The following SH3KBP1 variants were observed in gnomAD, a reference collection of about 807,000 sequenced individuals.
The protein encoded by SH3KBP1 is SH3 domain-containing kinase-binding protein 1.
A neutral mutation model predicts 50.1 loss-of-function variants in SH3KBP1; 8 were observed. The observed-to-expected ratio is 0.16, with a 90% CI of 0.09 to 0.29. The LOEUF (loss-of-function observed/expected upper bound fraction) is 0.29. Ranked by LOEUF, SH3KBP1 falls within the 10% of genes least tolerant of loss-of-function variation. SH3KBP1 has a pLI of 1.00. For synonymous variants in SH3KBP1, 227 were observed against 218.6 expected (o/e 1.04, Z -0.34); for missense variants, 377 against 535.2 (o/e 0.70, Z 2.92).
chrX:19,602,848 G>A (rs1387517598), intron 9 of SH3KBP1, among the ~76,000 whole-genome samples: 1 of 111,762 alleles, frequency 8.9e-6, no homozygotes, highest in Non-Finnish European at 1.9e-5. Flanking sequence ...GTAAGGTGAG[G>A]GGCCTCCTAC....
intron 1 of SH3KBP1, among the ~76,000 whole-genome samples, chrX:19,866,024 G>A (rs1187125068): frequency 8.9e-6 from 1 of 112,237 alleles, no homozygotes; most frequent in Non-Finnish European, 1.9e-5. Context: ...ACCAGGGACT[G>A]GTTCAAGCTA....
At chrX:19,669,325 A>AATAATAATT (rs780980302) in intron 6 of SH3KBP1, among the ~76,000 whole-genome samples, 25 of 102,546 alleles carry the variant, frequency 2.4e-4, no homozygotes, top group African/African-American at 9.1e-4. Flanking sequence ...TAATAATAAT[A>AATAATAATT]ATTATTATTA....
At chrX:19,789,749 A>T (rs190772896) in intron 2 of SH3KBP1, among the ~76,000 whole-genome samples, 169 of 109,442 alleles carry the variant, frequency 1.5e-3, no homozygotes, top group Admixed American at 2.7e-3. Flanking sequence ...TTTGGCCCAT[A>T]ATAGCCCCTT....
intron 1 of SH3KBP1, among the ~76,000 whole-genome samples, chrX:19,854,800 A>C (rs2068602271): frequency 2.7e-5 from 3 of 110,572 alleles, no homozygotes; most frequent in Non-Finnish European, 1.9e-5. Flanking sequence ...TTTACATCAC[A>C]AAGTGCCCTC....
chrX:19,876,676 T>C (rs930584052), intron 1 of SH3KBP1, among the ~76,000 whole-genome samples: 3 of 111,616 alleles, frequency 2.7e-5, no homozygotes, highest in Admixed American at 9.5e-5. Flanking sequence ...GAAAGCTCCC[T>C]GGAAGAAAAC....
intron 3 of SH3KBP1, among the ~76,000 whole-genome samples, chrX:19,715,047 G>A (rs1445307456): frequency 9.0e-6 from 1 of 111,471 alleles, no homozygotes; most frequent in African/African-American, 3.3e-5. Context: ...GCCAAGGCAG[G>A]AAGATCACTT....
chrX:19,663,182 C>T (rs748526028), intron 6 of SH3KBP1, among the ~76,000 whole-genome samples: 1 of 111,396 alleles, frequency 9.0e-6, no homozygotes, highest in Non-Finnish European at 1.9e-5. Flanking sequence ...CTCTGTAACA[C>T]ACACAAAGGC....
chrX:19,659,483 C>T (rs2062397086), intron 6 of SH3KBP1, among the ~76,000 whole-genome samples: 1 of 110,826 alleles, frequency 9.0e-6, no homozygotes, highest in Non-Finnish European at 1.9e-5. Flanking sequence ...AGGCTGGTCA[C>T]CAACTCCTGG....
intron 2 of SH3KBP1, among the ~76,000 whole-genome samples, chrX:19,825,591 G>T (rs59115090): frequency 0.023 from 2,519 of 111,584 alleles, 69 homozygotes; most frequent in African/African-American, 0.077. Context: ...GCATGGAAAG[G>T]GGCTGGGCAC....
intron 2 of SH3KBP1, among the ~76,000 whole-genome samples, chrX:19,828,354 T>G (rs1444133112): frequency 9.0e-6 from 1 of 111,719 alleles, no homozygotes; most frequent in Non-Finnish European, 1.9e-5. Flanking sequence ...AACGAAACTT[T>G]GACACATGTT....
chrX:19,614,667 T>C (rs1281835819), intron 8 of SH3KBP1, among the ~76,000 whole-genome samples: 1 of 111,798 alleles, frequency 8.9e-6, no homozygotes, highest in Non-Finnish European at 1.9e-5. Flanking sequence ...AGAGGAACGC[T>C]TCTCAAGCTT....
At chrX:19,836,410 G>A in intron 1 of SH3KBP1, 128 bp from the exon 2 acceptor site, 2 of 606,831 alleles carry the variant, frequency 3.3e-6, no homozygotes, top group Non-Finnish European at 5.1e-6. Flanking sequence ...AAAATAACAG[G>A]GCCACACACA....
At chrX:19,808,542 C>T (rs2067119108) in intron 2 of SH3KBP1, among the ~76,000 whole-genome samples, 1 of 111,056 alleles carries the variant, frequency 9.0e-6, no homozygotes, top group Admixed American at 9.6e-5. Context: ...CCTCACCCTC[C>T]CAGTTAGAGC....
rs1170044208 is a variant in SH3KBP1 at position 19,848,116 on chromosome X, G to T, written c.5-11834C>A. On this transcript the variant is annotated intron_variant, in intron 1 of 17. Coordinates refer to ENST00000397821, the MANE Select transcript of SH3KBP1 (RefSeq NM_031892.3). ...ACTCCTAAGAATAATGATCTATGAA[G>T]AGCAATGTATACATTTTTTTCTGAA... is the stretch of plus-strand genomic sequence containing the variant. Among the ~76,000 whole-genome samples, 4 of 112,064 alleles carry T rather than the reference G, an allele frequency of 3.6e-5. No homozygotes were observed. The South Asian group carries it at 1.1e-3, about 31-fold the overall frequency.
At chrX:19,854,591 T>C (rs1457905431) in intron 1 of SH3KBP1, among the ~76,000 whole-genome samples, 1 of 111,858 alleles carries the variant, frequency 8.9e-6, no homozygotes, top group African/African-American at 3.3e-5. Context: ...AAAGATATTA[T>C]GGGTTTGAGG....
rs368356361 is a variant in SH3KBP1 at position 19,694,350 on chromosome X, G to A, written c.520+1262C>T. On this transcript the variant is annotated intron_variant, in intron 5 of 17. Coordinates refer to ENST00000397821, the MANE Select transcript of SH3KBP1 (RefSeq NM_031892.3). ...GAAAGCAATAGTAATTTCCACTAATGGGAGATCAAGGACACCTTCTCCCCT... is the reference window on the plus strand; with the variant it reads ...GAAAGCAATAGTAATTTCCACTAATAGGAGATCAAGGACACCTTCTCCCCT... 1.9e-4 allele frequency among the ~76,000 whole-genome samples: 21 copies of A among 111,321 alleles called. 2 individuals are homozygous for A. The highest frequency in any genetic ancestry group is 1.4e-3 in the East Asian group (5 of 3,535).
At chrX:19,804,293 C>T (rs766047072) in intron 2 of SH3KBP1, among the ~76,000 whole-genome samples, 1 of 111,337 alleles carries the variant, frequency 9.0e-6, no homozygotes, top group South Asian at 3.8e-4. Context: ...CTTCTCTTTT[C>T]CATATTTGGG....
intron 2 of SH3KBP1, among the ~76,000 whole-genome samples, chrX:19,821,195 A>G (rs1410652499): frequency 8.9e-6 from 1 of 112,012 alleles, no homozygotes; most frequent in African/African-American, 3.2e-5. Flanking sequence ...GTTTGACACC[A>G]GCCTGGCCAT....
At chrX:19,851,313 A>G (rs1458714969) in intron 1 of SH3KBP1, among the ~76,000 whole-genome samples, 2 of 111,917 alleles carry the variant, frequency 1.8e-5, no homozygotes, top group Non-Finnish European at 3.8e-5. Context: ...TCACTGGGGA[A>G]AAAAAAGAAA....
Sources: gnomAD v4.1 joint callset for allele counts (sites outside exome capture counted in the v4.1 genomes callset) on GRCh38, gnomAD v4.1.1 for gene constraint, MANE v1.5 for transcripts, NCBI Gene and HGNC (gene_info 2026-07-23, HGNC 2026-07-21) for gene names.